Variants in BCAS3 observed in about 807,000 individuals in gnomAD.
BCAS3 encodes BCAS4/BCAS3 fusion.
BCAS3 carries 53 observed loss-of-function variants against 116.1 expected under a neutral mutation model. The observed-to-expected ratio is 0.46, with a 90% CI of 0.37 to 0.57. The LOEUF (loss-of-function observed/expected upper bound fraction) is 0.57, where lower values mean the gene tolerates loss of function less well. BCAS3 is among the 20% of genes least tolerant of loss of function. The pLI, the probability that BCAS3 is intolerant of heterozygous loss-of-function variation, is 0.00. For synonymous variants in BCAS3, 391 were observed against 408.2 expected, an observed-to-expected ratio of 0.96 and a Z score of 0.51; for missense variants, 917 against 1,165.4, an observed-to-expected ratio of 0.79 and a Z score of 3.10.
intron 4 of BCAS3, among the ~76,000 whole-genome samples, chr17:60,694,821 C>T (rs894218854): frequency 2.0e-5 from 3 of 151,974 alleles, no homozygotes; most frequent in African/African-American, 7.2e-5. Flanking sequence ...TTTACATTGT[C>T]GTACAACCAG....
At chr17:60,846,754 C>G (rs1203583360) in intron 7 of BCAS3, among the ~76,000 whole-genome samples, 4 of 152,144 alleles carry the variant, frequency 2.6e-5, no homozygotes, top group Admixed American at 2.0e-4. Context: ...TGACAGCCTC[C>G]CTGCCTCCCT....
chr17:61,129,576 C>T (rs2076224489), intron 22 of BCAS3, among the ~76,000 whole-genome samples: 1 of 152,218 alleles, frequency 6.6e-6, no homozygotes, highest in Non-Finnish European at 1.5e-5. Context: ...CTGAGATGGT[C>T]TGCTTTACAG....
Position 61,364,921 on chromosome 17 carries a change from G to A in BCAS3, c.2426-3406G>A, listed in dbSNP as rs1208463047. On this transcript the variant is annotated intron_variant, in intron 22 of 23. Coordinates refer to ENST00000407086, the MANE Select transcript of BCAS3 (RefSeq NM_017679.5). This position sits in a 1 kb window ranked among gnomAD's most constrained non-coding sequence, Gnocchi z 5.4. The stretch of plus-strand genomic sequence containing the variant: ...CTCTACGACCTCTCAGGATCATTAT[G>A]ATAGTCAGAATTTATGATGATGCCC... Among the ~76,000 whole-genome samples the A allele has an allele frequency of 6.6e-6, 1 of 152,166 alleles. No homozygotes were observed. The highest frequency in any genetic ancestry group is 2.4e-5 in the African/African-American group (1 of 41,440).
Position 61,228,835 on chromosome 17 carries a change from G to A in BCAS3, c.2426-139492G>A, listed in dbSNP as rs929944274. Among the ~76,000 whole-genome samples, 1 of 152,150 alleles carries A rather than the reference G, an allele frequency of 6.6e-6. No homozygotes were observed. The highest frequency in any genetic ancestry group is 2.1e-4 in the South Asian group (1 of 4,828). On this transcript the variant is annotated intron_variant, in intron 22 of 23. Transcript: ENST00000407086. The surrounding 1 kb of genome is among the most constrained non-coding windows in gnomAD (Gnocchi z 5.0). ...TACAATGGCCTCTAAGTGTTCAAGTGTAAAAAAGAGGTTCGCCTCTCACTT... is the reference window on the plus strand; with the variant it reads ...TACAATGGCCTCTAAGTGTTCAAGTATAAAAAAGAGGTTCGCCTCTCACTT...
At position 61,380,971 on chromosome 17, in the gene BCAS3, C is replaced by G. The variant is rs1160945916; in HGVS notation, c.2594-11006C>G. Reference sequence around the variant, plus strand: ...CCCTGCAGGAGCCTGGAGCTGGCCCCTAGTATAATTGGTGCTGTCTCTATT... The same window carrying G: ...CCCTGCAGGAGCCTGGAGCTGGCCCGTAGTATAATTGGTGCTGTCTCTATT... On this transcript the variant is annotated intron_variant, in intron 23 of 23. Coordinates refer to ENST00000407086, the MANE Select transcript of BCAS3 (RefSeq NM_017679.5). The surrounding 1 kb of genome is among the most constrained non-coding windows in gnomAD (Gnocchi z 4.2). 1.3e-5 allele frequency among the ~76,000 whole-genome samples: 2 copies of G among 152,228 alleles called. No homozygotes were observed. The highest frequency in any genetic ancestry group is 4.8e-5 in the African/African-American group (2 of 41,456).
chr17:61,110,540 TA>T (rs1331893671), intron 22 of BCAS3, among the ~76,000 whole-genome samples: 1 of 151,568 alleles, frequency 6.6e-6, no homozygotes, highest in East Asian at 1.9e-4. Context: ...CGGACCGGCT[TA>T]AAAAACGGCG....
At chr17:60,810,990 T>G in intron 7 of BCAS3, 1 of 666,166 alleles carries the variant, frequency 1.5e-6, no homozygotes, top group Non-Finnish European at 2.8e-6. Flanking sequence ...CTCAGCAGAT[T>G]GAAGAGAGCA....
Position 61,213,711 on chromosome 17 carries a change from G to C in BCAS3, c.2425+129147G>C, listed in dbSNP as rs933030457. On this transcript the variant is annotated intron_variant, in intron 22 of 23. Transcript: ENST00000407086. This position sits in a 1 kb window ranked among gnomAD's most constrained non-coding sequence, Gnocchi z 5.4. The stretch of plus-strand genomic sequence containing the variant: ...AGGTTGGAGGAGGACTGTACAGATG[G>C]ATAGATGTACATTTAACTGCAGAGA... 2.6e-5 allele frequency among the ~76,000 whole-genome samples: 4 copies of C among 152,056 alleles called. No homozygotes were observed. Among genetic ancestry groups the C allele is most frequent in the Non-Finnish European group, 4.4e-5 (3 of 68,010 alleles).
chr17:61,137,410 T>C (rs1165263744), intron 22 of BCAS3, among the ~76,000 whole-genome samples: 1 of 152,190 alleles, frequency 6.6e-6, no homozygotes, highest in Non-Finnish European at 1.5e-5. Flanking sequence ...CTACCAAAGA[T>C]AGTATGTGCA....
rs569217534 is a variant in BCAS3, at chr17:60,700,720, G to C, written c.215-8499G>C. On this transcript the variant is annotated intron_variant, in intron 4 of 23. Coordinates refer to ENST00000407086, the MANE Select transcript of BCAS3 (RefSeq NM_017679.5). Reference sequence around the variant, plus strand: ...GGATTATCCCTGAAAGACCAAGGGAGAGTATTTTAAGGAATAAATGGTGAC... The same window carrying C: ...GGATTATCCCTGAAAGACCAAGGGACAGTATTTTAAGGAATAAATGGTGAC... 2.6e-5 allele frequency among the ~76,000 whole-genome samples: 4 copies of C among 152,328 alleles called. No homozygotes were observed. In the East Asian group the frequency reaches 7.7e-4, roughly 29 times the overall value.
At position 61,130,183 on chromosome 17, in the gene BCAS3, G is replaced by A. The variant is rs2076256115; in HGVS notation, c.2425+45619G>A. 6.6e-6 allele frequency among the ~76,000 whole-genome samples: 1 copy of A among 152,176 alleles called. No individual in the cohort carries two copies. The highest frequency in any genetic ancestry group is 1.5e-5 in the Non-Finnish European group (1 of 68,024). On this transcript the variant is annotated intron_variant, in intron 22 of 23. Transcript: ENST00000407086. This position sits in a 1 kb window ranked among gnomAD's most constrained non-coding sequence, Gnocchi z 5.0. Reference sequence around the variant, plus strand: ...CCACTTTCACCTTAACTGAGTTTATGTGACTAATTTTAAATTTACTGTAAA... The same window carrying A: ...CCACTTTCACCTTAACTGAGTTTATATGACTAATTTTAAATTTACTGTAAA...
intron 7 of BCAS3, among the ~76,000 whole-genome samples, chr17:60,840,495 A>G (rs1194809363): frequency 2.6e-5 from 4 of 152,210 alleles, no homozygotes; most frequent in Non-Finnish European, 4.4e-5. Context: ...TGTTGATCCT[A>G]TGATATAAAG....
chr17:60,688,546 G>A (rs1045979636), intron 3 of BCAS3, among the ~76,000 whole-genome samples: 2 of 152,068 alleles, frequency 1.3e-5, no homozygotes, highest in Non-Finnish European at 2.9e-5. Context: ...GGGCATGGTG[G>A]CTCACCTGTG....
intron 13 of BCAS3, among the ~76,000 whole-genome samples, chr17:60,928,201 G>A (rs1226909135): frequency 1.3e-5 from 2 of 152,128 alleles, no homozygotes; most frequent in African/African-American, 4.8e-5. Flanking sequence ...TCTTAAGGAA[G>A]GAAAACCCTT....
chr17:61,194,762 A>G (rs2080376638), intron 22 of BCAS3, among the ~76,000 whole-genome samples: 1 of 147,930 alleles, frequency 6.8e-6, no homozygotes, highest in South Asian at 2.2e-4. Context: ...AAAAAAAGAT[A>G]TACTAACTAT....
rs1429156594 is a variant in BCAS3 at position 60,799,735 on chromosome 17, T to TTTTTTTA, written c.404-8269_404-8268insTTTTTTA. Among the ~76,000 whole-genome samples, 4 of 100,566 alleles carry TTTTTTTA rather than the reference T, an allele frequency of 4.0e-5. 1 individual carries two copies. The highest frequency in any genetic ancestry group is 1.4e-4 in the African/African-American group (4 of 28,790). The allele number at this position is 100,566 out of a possible 152,430, so 66.0% of individuals were successfully genotyped here. ...TTTTTTTTTTTTTTTTTTTTTTTTTTAGTAGAACTGGGGTTTCACCATGTT... is the reference window on the plus strand; with the variant it reads ...TTTTTTTTTTTTTTTTTTTTTTTTTTTTTTTTAAGTAGAACTGGGGTTTCACCATGTT... On this transcript the variant is annotated intron_variant, in intron 6 of 23. Transcript: ENST00000407086.
Position 60,995,273 on chromosome 17 carries a change from C to T in BCAS3, c.1486+5038C>T, listed in dbSNP as rs1276379997. Among the ~76,000 whole-genome samples, 1 of 152,184 alleles carries T rather than the reference C, an allele frequency of 6.6e-6. No homozygotes were observed. Among genetic ancestry groups the T allele is most frequent in the Admixed American group, 6.5e-5 (1 of 15,274 alleles). Reference sequence around the variant, plus strand: ...GTTCAAGTGATTCTTCTGCTTCAGCCTCCCAAGTAGCTGGGATTACAGGTG... The same window carrying T: ...GTTCAAGTGATTCTTCTGCTTCAGCTTCCCAAGTAGCTGGGATTACAGGTG... On this transcript the variant is annotated intron_variant, in intron 15 of 23. Coordinates refer to ENST00000407086, the MANE Select transcript of BCAS3 (RefSeq NM_017679.5). This position sits in a 1 kb window ranked among gnomAD's most constrained non-coding sequence, Gnocchi z 4.7.
At chr17:61,159,528 A>C (rs1371621576) in intron 22 of BCAS3, 6 of 152,230 alleles carry the variant, frequency 3.9e-5, no homozygotes, top group Non-Finnish European at 8.8e-5. Flanking sequence ...ATCTTCACAC[A>C]TATCTTCAGA....
intron 9 of BCAS3, among the ~76,000 whole-genome samples, chr17:60,876,504 T>A (rs2055622517): frequency 6.6e-6 from 1 of 152,094 alleles, no homozygotes; most frequent in South Asian, 2.1e-4. Context: ...AAGATAACAT[T>A]TCCCACTGTC....
Sources: gnomAD v4.1 joint callset for allele counts (sites outside exome capture counted in the v4.1 genomes callset) on GRCh38, gnomAD v4.1.1 for gene constraint, Gnocchi (gnomAD v3.1) non-coding constraint, MANE v1.5 for transcripts, NCBI Gene and HGNC (gene_info 2026-07-23, HGNC 2026-07-21) for gene names.